SLC25A17: variants seen among roughly 807,000 people sequenced by gnomAD.
The protein encoded by SLC25A17 is solute carrier family 25 member 17.
In SLC25A17, 26 loss-of-function variants were observed where a neutral mutation model predicts 38.5. The observed-to-expected ratio is 0.68, with a 90% CI of 0.50 to 0.94. The LOEUF (loss-of-function observed/expected upper bound fraction) is 0.94. Among genes scored for constraint, SLC25A17 ranks in the 40% least tolerant of loss-of-function variants. The probability of loss-of-function intolerance (pLI) is 0.00; values close to 1 mark genes in which losing one functional copy is unlikely to be tolerated. For synonymous variants in SLC25A17, 139 were observed against 136.2 expected, an observed-to-expected ratio of 1.02 and a Z score of -0.14; for missense variants, 333 against 372.7, an observed-to-expected ratio of 0.89 and a Z score of 0.88.
chr22:40,787,870 A>C (rs934974826), intron 4 of SLC25A17, among the ~76,000 whole-genome samples: 3 of 152,200 alleles, frequency 2.0e-5, no homozygotes, highest in Admixed American at 6.5e-5. Flanking sequence ...AAAATTTTAC[A>C]AACATCTTTG....
At chr22:40,818,428 G>GAA (rs1285516942) in intron 1 of SLC25A17, among the ~76,000 whole-genome samples, 1 of 151,756 alleles carries the variant, frequency 6.6e-6, no homozygotes, top group Non-Finnish European at 1.5e-5. Flanking sequence ...TAGAAAGAAA[G>GAA]AAAAAAAAGC....
chr22:40,770,994 A>C lies in SLC25A17; in HGVS notation c.777-13T>G. ...TATTCCAAAACGTCTAAAGGGAAAG[A>C]GGTTTGAAAAAACAGAAGTCAGCTC... On this transcript the variant is annotated splice_polypyrimidine_tract_variant and intron_variant, in intron 8 of 8. Transcript: ENST00000435456. The C allele has an allele frequency of 6.5e-7, 1 of 1,545,002 alleles. No homozygotes were observed. The highest frequency in any genetic ancestry group is 8.8e-7 in the Non-Finnish European group (1 of 1,138,570).
At chr22:40,782,221 A>AACAACAAC (rs2057301298) in intron 4 of SLC25A17, among the ~76,000 whole-genome samples, 2 of 149,894 alleles carry the variant, frequency 1.3e-5, no homozygotes, top group Admixed American at 1.3e-4. Flanking sequence ...CCCCATCTCA[A>AACAACAAC]AACAACAACA....
At chr22:40,793,678 T>G (rs1173909539) in intron 3 of SLC25A17, among the ~76,000 whole-genome samples, 1 of 152,100 alleles carries the variant, frequency 6.6e-6, no homozygotes, top group Admixed American at 6.6e-5. Flanking sequence ...AATGGCGCGA[T>G]CTCGGCTCAC....
intron 2 of SLC25A17, 66 bp from the exon 3 acceptor site, chr22:40,794,646 G>A (rs954313801): frequency 3.5e-6 from 3 of 866,546 alleles, no homozygotes; most frequent in South Asian, 3.3e-5. Flanking sequence ...TTGAGACAGA[G>A]TCTCACTCTG....
chr22:40,778,725 T>C (rs909926111), intron 5 of SLC25A17, among the ~76,000 whole-genome samples: 1 of 152,082 alleles, frequency 6.6e-6, no homozygotes. Context: ...AATAGACAAA[T>C]GGGATCTAAT....
In SLC25A17 at chr22:40,802,516, G is replaced by A. The variant is rs143850047; in HGVS notation, c.55-3433C>T. ...AAAACTTAGCCAGGCGTGGTGGTGG[G>A]CACCTGTAATCCCAGCTACTTGGGA... On this transcript the variant is annotated intron_variant, in intron 1 of 8. Coordinates refer to ENST00000435456, the MANE Select transcript of SLC25A17 (RefSeq NM_006358.4). Among the ~76,000 whole-genome samples, 37 of 152,200 alleles carry A rather than the reference G, an allele frequency of 2.4e-4. No homozygotes were observed. In the East Asian group the frequency reaches 7.2e-3, roughly 29 times the overall value.
Position 40,773,959 on chromosome 22 carries a change from A to G in SLC25A17, c.754T>C (p.Tyr252His), listed in dbSNP as rs1382463694. 2.5e-6 allele frequency: 4 copies of G among 1,611,294 alleles called. No individual in the cohort carries two copies. Among genetic ancestry groups the G allele is most frequent in the Non-Finnish European group, 3.4e-6 (4 of 1,177,508 alleles). Residue 252 changes from tyrosine to histidine, a missense_variant, in exon 8 of 9, where the codon TAT becomes CAT. By Grantham distance (83) the Tyr-to-His change is moderately conservative. Transcript: ENST00000435456. ...CACCTTACTCGTTGGTGAAGAAGAT[A>G]GAGAATATTCCGAAGACTTCCCAAT... ...RTLGSLRNIL[Y>H]LLHQRVRRFG...
At chr22:40,777,018 C>A (rs367546252) in intron 7 of SLC25A17, 22 bp downstream of exon 7, 2 of 1,599,686 alleles carry the variant, frequency 1.3e-6, no homozygotes, top group Admixed American at 3.3e-5. Context: ...TGACTAAATG[C>A]GAAGAGAACT....
At chr22:40,788,185 T>C (rs2057354839) in intron 4 of SLC25A17, among the ~76,000 whole-genome samples, 1 of 152,262 alleles carries the variant, frequency 6.6e-6, no homozygotes, top group African/African-American at 2.4e-5. Context: ...TTACCCATAC[T>C]TATACGCATG....
At position 40,786,310 on chromosome 22, in the gene SLC25A17, C is replaced by CAA. The variant is rs1294429530; in HGVS notation, c.334+6213_334+6214dup. 6.5e-3 allele frequency among the ~76,000 whole-genome samples: 782 copies of CAA among 120,252 alleles called. 5 individuals are homozygous for CAA. The highest frequency in any genetic ancestry group is 0.023 in the African/African-American group (751 of 32,584). The allele number at this position is 120,252 out of a possible 152,430, so 78.9% of individuals were successfully genotyped here. On this transcript the variant is annotated intron_variant, in intron 4 of 8. Coordinates refer to ENST00000435456, the MANE Select transcript of SLC25A17 (RefSeq NM_006358.4). ...TGGGTGACAAAGTGAAACCCTGTTG[C>CAA]AAAAAAAAAAAAAAAGTAGGAGGCT...
intron 2 of SLC25A17, among the ~76,000 whole-genome samples, chr22:40,797,822 T>C (rs1256865100): frequency 2.6e-5 from 4 of 152,214 alleles, no homozygotes; most frequent in Non-Finnish European, 5.9e-5. Context: ...ACCAGGCCTG[T>C]ATGCCCGGCC....
chr22:40,775,753 G>A lies in SLC25A17; in HGVS notation c.693+1287C>T, dbSNP rs566384358. On this transcript the variant is annotated intron_variant, in intron 7 of 8. Transcript: ENST00000435456. The stretch of plus-strand genomic sequence containing the variant: ...GCTGGGATTACAGGCGTGAGCCACC[G>A]CGCCCAACCGATCTGATGGTTTTAT... Among the ~76,000 whole-genome samples the A allele has an allele frequency of 6.6e-5, 10 of 152,212 alleles. No homozygotes were observed. In the South Asian group the frequency reaches 8.3e-4, roughly 13 times the overall value.
intron 7 of SLC25A17, among the ~76,000 whole-genome samples, chr22:40,774,894 T>C (rs2057224908): frequency 6.6e-6 from 1 of 152,164 alleles, no homozygotes; most frequent in Admixed American, 6.5e-5. Context: ...ACAAGCCTTT[T>C]GAAATTTTTC....
chr22:40,779,329 T>C lies in SLC25A17; in HGVS notation c.335-204A>G, dbSNP rs953697095. The C allele has an allele frequency of 9.3e-6, 13 of 1,392,208 alleles. No homozygotes were observed. The Admixed American group carries it at 3.6e-4, about 39-fold the overall frequency. The allele number at this position is 1,392,208 out of a possible 1,614,324, so 86.2% of individuals were successfully genotyped here. ...TTTGGAAGCTTTGCTGATAGCAAAA[T>C]GGCTGGCGGCAGCAGCTCTCCAGAT... On this transcript the variant is annotated intron_variant, in intron 4 of 8. Transcript: ENST00000435456.
chr22:40,801,128 C>CTTTT (rs2057478153), intron 1 of SLC25A17, among the ~76,000 whole-genome samples: 1 of 101,194 alleles, frequency 9.9e-6, no homozygotes, highest in Admixed American at 1.1e-4. Flanking sequence ...AAATATATTA[C>CTTTT]ATATATATAT....
chr22:40,800,346 A>G (rs2057469796), intron 1 of SLC25A17, among the ~76,000 whole-genome samples: 1 of 152,322 alleles, frequency 6.6e-6, no homozygotes, highest in East Asian at 1.9e-4. Context: ...CAGGCATAAA[A>G]TCAAGTTTCA....
chr22:40,818,917 C>T (rs578242023), intron 1 of SLC25A17, among the ~76,000 whole-genome samples: 4 of 152,144 alleles, frequency 2.6e-5, no homozygotes, highest in Admixed American at 6.5e-5. Flanking sequence ...CCTTAAACTT[C>T]CCACGGCAAA....
chr22:40,809,265 G>A (rs2057556527), intron 1 of SLC25A17, among the ~76,000 whole-genome samples: 2 of 151,942 alleles, frequency 1.3e-5, no homozygotes, highest in Non-Finnish European at 2.9e-5. Flanking sequence ...GGCGAGGTAG[G>A]AAGACTGCTT....
Sources: gnomAD v4.1 joint callset for allele counts (sites outside exome capture counted in the v4.1 genomes callset) on GRCh38, gnomAD v4.1.1 for gene constraint, MANE v1.5 for transcripts, NCBI Gene and HGNC (gene_info 2026-07-23, HGNC 2026-07-21) for gene names.